The following ZNF280D variants were observed in gnomAD, a reference collection of about 807,000 sequenced individuals.
ZNF280D encodes zinc finger protein 280D.
Under a neutral mutation model 94.7 loss-of-function variants are expected in ZNF280D, and 39 were observed. That is an observed-to-expected ratio of 0.41 (90% confidence interval 0.32 to 0.54). ZNF280D has a LOEUF of 0.54. ZNF280D is among the 20% of genes least tolerant of loss of function. The pLI is 0.22. For missense variants in ZNF280D, 1,090 were observed against 1,149.3 expected (o/e 0.95, Z 0.75); for synonymous variants, 398 against 377.6 (o/e 1.05, Z -0.63).
intron 3 of ZNF280D, among the ~76,000 whole-genome samples, chr15:56,705,447 T>C (rs533977659): frequency 1.3e-5 from 2 of 152,322 alleles, no homozygotes; most frequent in African/African-American, 4.8e-5. Flanking sequence ...TGACATCAAG[T>C]TGAATAATTC....
intron 5 of ZNF280D, 38 bp downstream of exon 5, chr15:56,701,135 C>G (rs2057041061): frequency 6.2e-7 from 1 of 1,606,232 alleles, no homozygotes; most frequent in Non-Finnish European, 8.5e-7. Context: ...TGTCAAAATA[C>G]TTCACTTTAA....
At chr15:56,724,531 G>T (rs1204799333) in intron 1 of ZNF280D, among the ~76,000 whole-genome samples, 1 of 152,190 alleles carries the variant, frequency 6.6e-6, no homozygotes, top group Non-Finnish European at 1.5e-5. Flanking sequence ...GGCTGACGGT[G>T]AAGTGAGGGA....
Position 56,673,985 on chromosome 15 carries a change from T to A in ZNF280D, c.1410+2685A>T, listed in dbSNP as rs535114186. 1.4e-4 allele frequency among the ~76,000 whole-genome samples: 22 copies of A among 152,188 alleles called. No homozygotes were observed. In the South Asian group the frequency reaches 4.6e-3, roughly 32 times the overall value. Reference sequence around the variant, plus strand: ...ACAGTACTTATTGCCAGCATATACATTCTAACACACACATACACAAATATA... The same window carrying A: ...ACAGTACTTATTGCCAGCATATACAATCTAACACACACATACACAAATATA... On this transcript the variant is annotated intron_variant, in intron 13 of 21. Transcript: ENST00000267807.
chr15:56,631,851 A>G lies in ZNF280D; in HGVS notation c.2587T>C (p.Ser863Pro), dbSNP rs1350738541. The change falls in exon 22 of 22, where the codon TCT becomes CCT. Residue 863 changes from serine to proline, a missense_variant. Physicochemically the swap from Ser to Pro is moderately conservative, Grantham distance 74. Coordinates refer to ENST00000267807, the MANE Select transcript of ZNF280D (RefSeq NM_017661.4). ...GAGTTGTGATCTTTAATCTGATCAG[A>G]TAAGATTATGTTTTCTGAACTTTGG... is the stretch of plus-strand genomic sequence containing the variant. ...MCQSSENIIL[S>P]DQIKDHNSSE... is the part of the protein sequence containing the mutation. 10 of 1,613,926 alleles carry G rather than the reference A, an allele frequency of 6.2e-6. No homozygotes were observed. Among genetic ancestry groups the G allele is most frequent in the Middle Eastern group, 1.6e-4 (1 of 6,062 alleles).
intron 1 of ZNF280D, among the ~76,000 whole-genome samples, chr15:56,716,255 G>A (rs1415714111): frequency 6.6e-6 from 1 of 152,080 alleles, no homozygotes; most frequent in Non-Finnish European, 1.5e-5. Flanking sequence ...CCCATACAAA[G>A]AGATGTAAAA....
chr15:56,714,742 A>T (rs2057945989), intron 1 of ZNF280D, among the ~76,000 whole-genome samples: 1 of 152,206 alleles, frequency 6.6e-6, no homozygotes, highest in South Asian at 2.1e-4. Context: ...AATTAAGATA[A>T]ATCCAGATGG....
chr15:56,647,207 A>G (rs973223618), intron 19 of ZNF280D, among the ~76,000 whole-genome samples: 8 of 152,216 alleles, frequency 5.3e-5, no homozygotes, highest in South Asian at 2.1e-4. Flanking sequence ...GACTTTCTCA[A>G]TTAAAACAGT....
chr15:56,709,613 T>C (rs1292689087), intron 1 of ZNF280D, among the ~76,000 whole-genome samples: 3 of 152,178 alleles, frequency 2.0e-5, no homozygotes, highest in East Asian at 1.9e-4. Flanking sequence ...CCAACCCAAA[T>C]GTCCATCAAC....
chr15:56,686,242 G>T (rs571284400), intron 9 of ZNF280D, among the ~76,000 whole-genome samples: 1 of 152,170 alleles, frequency 6.6e-6, no homozygotes, highest in South Asian at 2.1e-4. Context: ...AGGTTCAAGC[G>T]ATTCTCTCGC....
intron 9 of ZNF280D, among the ~76,000 whole-genome samples, chr15:56,683,588 C>T (rs2055789390): frequency 2.0e-5 from 3 of 152,192 alleles, no homozygotes; most frequent in Admixed American, 1.3e-4. Context: ...CACCATCTAT[C>T]TATCATTCTT....
At chr15:56,729,938 TTTTA>T (rs1265408982) in intron 1 of ZNF280D, 1 of 152,196 alleles carries the variant, frequency 6.6e-6, no homozygotes, top group Non-Finnish European at 1.5e-5. Context: ...GAAATAGATT[TTTTA>T]TTTTTTATTT....
At chr15:56,664,831 T>C (rs935068908) in intron 16 of ZNF280D, among the ~76,000 whole-genome samples, 1 of 152,164 alleles carries the variant, frequency 6.6e-6, no homozygotes, top group Non-Finnish European at 1.5e-5. Flanking sequence ...TTGGCCTTTA[T>C]GCCAGTGAGC....
intron 1 of ZNF280D, among the ~76,000 whole-genome samples, chr15:56,726,323 T>C (rs1437446060): frequency 6.6e-6 from 1 of 152,152 alleles, no homozygotes. Context: ...CAGTATACTA[T>C]CAGAGTCCAA....
Position 56,632,086 on chromosome 15 carries a change from AT to A in ZNF280D, c.2351del (p.Asn784MetfsTer20). The A allele has an allele frequency of 1.3e-6, 2 of 1,589,472 alleles. No homozygotes were observed. Among genetic ancestry groups the A allele is most frequent in the Admixed American group, 1.8e-5 (1 of 56,102 alleles). On this transcript the variant is annotated frameshift_variant, in exon 22 of 22. Transcript: ENST00000267807. LOFTEE classifies it low-confidence loss of function (END_TRUNC). ...QDKAASSKEK[N>X]GCNANSFEGS... ...CTTCAAATGAATTTGCATTACATCC[AT>A]TTTTTTCTTTTGAAGAAGCAGCTTT... is the stretch of plus-strand genomic sequence containing the variant.
chr15:56,656,518 T>C (rs774556496), intron 17 of ZNF280D, among the ~76,000 whole-genome samples: 1 of 152,190 alleles, frequency 6.6e-6, no homozygotes, highest in Non-Finnish European at 1.5e-5. Flanking sequence ...TAACTGTTTT[T>C]AGTAAAGGTA....
At chr15:56,672,655 TTGTG>T (rs2054949813) in intron 13 of ZNF280D, among the ~76,000 whole-genome samples, 2 of 151,966 alleles carry the variant, frequency 1.3e-5, no homozygotes, top group Non-Finnish European at 2.9e-5. Flanking sequence ...GTGGTTTTTT[TTGTG>T]TGTGTTTGTT....
At chr15:56,674,779 A>G (rs1006909605) in intron 13 of ZNF280D, among the ~76,000 whole-genome samples, 140 of 151,694 alleles carry the variant, frequency 9.2e-4, no homozygotes, top group Non-Finnish European at 3.8e-4. Flanking sequence ...CATATTTAAC[A>G]CATCTGGAAT....
intron 1 of ZNF280D, chr15:56,730,147 A>G (rs1596727012): frequency 6.6e-6 from 1 of 152,304 alleles, no homozygotes; most frequent in East Asian, 1.9e-4. Flanking sequence ...GGTTAAGAGA[A>G]TCCTTAAAAT....
intron 9 of ZNF280D, among the ~76,000 whole-genome samples, chr15:56,686,536 G>T (rs924903266): frequency 6.6e-6 from 1 of 152,204 alleles, no homozygotes; most frequent in Non-Finnish European, 1.5e-5. Flanking sequence ...TACTGGTAAT[G>T]AAAGCTGTGG....
Sources: gnomAD v4.1 joint callset for allele counts (sites outside exome capture counted in the v4.1 genomes callset) on GRCh38, gnomAD v4.1.1 for gene constraint, MANE v1.5 for transcripts, NCBI Gene and HGNC (gene_info 2026-07-23, HGNC 2026-07-21) for gene names.